The following SHC4 variants were observed in gnomAD, a reference collection of about 807,000 sequenced individuals.
SHC4 encodes SHC adaptor protein 4.
A neutral mutation model predicts 69.4 loss-of-function variants in SHC4; 41 were observed. That is an observed-to-expected ratio of 0.59 (90% CI 0.46 to 0.77). SHC4 has a LOEUF of 0.77. SHC4 is among the 30% of genes least tolerant of loss of function. SHC4 has a pLI of 0.00. For synonymous variants in SHC4, 318 were observed against 299.3 expected, an observed-to-expected ratio of 1.06 and a Z score of -0.64; for missense variants, 777 against 783.8, an observed-to-expected ratio of 0.99 and a Z score of 0.10.
At chr15:48,829,625 T>C (rs1288185587) in intron 11 of SHC4, among the ~76,000 whole-genome samples, 1 of 152,208 alleles carries the variant, frequency 6.6e-6, no homozygotes, top group Non-Finnish European at 1.5e-5. Flanking sequence ...TCCTTAAATC[T>C]AAAGTGAGTC....
At chr15:48,878,037 A>C (rs748099604) in intron 4 of SHC4, 8 of 1,087,506 alleles carry the variant, frequency 7.4e-6, no homozygotes, top group Non-Finnish European at 1.0e-5. Context: ...GTGGCGCGCC[A>C]AGTAGGAGGC....
chr15:48,916,161 C>A (rs1900616077), intron 2 of SHC4, among the ~76,000 whole-genome samples: 1 of 151,490 alleles, frequency 6.6e-6, no homozygotes, highest in African/African-American at 2.4e-5. Context: ...AGATATTTGA[C>A]CTCTCCAGAA....
chr15:48,944,770 A>G (rs1405316042), intron 1 of SHC4, among the ~76,000 whole-genome samples: 1 of 152,222 alleles, frequency 6.6e-6, no homozygotes, highest in Non-Finnish European at 1.5e-5. Flanking sequence ...TCCTACCAAA[A>G]AAGATCTCTG....
chr15:48,851,168 G>C lies in SHC4; in HGVS notation c.1303+20C>G, dbSNP rs1168630749. The C allele has an allele frequency of 6.2e-7, 1 of 1,612,106 alleles. No homozygotes were observed. The highest frequency in any genetic ancestry group is 1.7e-5 in the Admixed American group (1 of 59,954). ...CAAGGAATAAGGAGGGTGGCAGATGGAGAAGGGCATTGTACCTACCTATTG... is the reference window on the plus strand; with the variant it reads ...CAAGGAATAAGGAGGGTGGCAGATGCAGAAGGGCATTGTACCTACCTATTG... On this transcript the variant is annotated intron_variant, in intron 9 of 11. Transcript: ENST00000332408.
intron 6 of SHC4, among the ~76,000 whole-genome samples, chr15:48,860,066 A>AAG (rs946423573): frequency 2.0e-5 from 3 of 152,046 alleles, no homozygotes; most frequent in Non-Finnish European, 2.9e-5. Flanking sequence ...GAAAGGAAGA[A>AAG]AGAGAGAGAG....
intron 4 of SHC4, among the ~76,000 whole-genome samples, chr15:48,872,671 T>G (rs996893940): frequency 6.6e-6 from 1 of 152,242 alleles, no homozygotes; most frequent in African/African-American, 2.4e-5. Flanking sequence ...TATTTTTGTT[T>G]CTTTTTGCAA....
At chr15:48,848,288 A>G (rs753341379) in intron 9 of SHC4, among the ~76,000 whole-genome samples, 8 of 152,124 alleles carry the variant, frequency 5.3e-5, no homozygotes, top group African/African-American at 1.2e-4. Flanking sequence ...TGGCTTTTTT[A>G]TGGAAACAAT....
intron 8 of SHC4, among the ~76,000 whole-genome samples, chr15:48,855,044 G>A (rs79127719): frequency 5.7e-4 from 87 of 152,182 alleles, no homozygotes; most frequent in African/African-American, 2.1e-3. Context: ...GTGAAGGGTG[G>A]GAGGAGGGTG....
Position 48,843,560 on chromosome 15 carries a change from G to A in SHC4, c.1332C>T (p.Ser444=). ...IGNVHPRGVQ[S]QRDTSLLKHT... ...GCTTCAATAATGAGGTATCTCGCTG[G>A]GACTGCACCCCTCTTGGATGGACAT... The change falls in exon 10 of 12, where the codon TCC becomes TCT. Residue 444 remains serine, a synonymous_variant. Transcript: ENST00000332408. 1 of 1,613,962 alleles carries A rather than the reference G, an allele frequency of 6.2e-7. No homozygotes were observed. The highest frequency in any genetic ancestry group is 8.5e-7 in the Non-Finnish European group (1 of 1,179,946).
chr15:48,889,881 C>G (rs563364870), intron 3 of SHC4, among the ~76,000 whole-genome samples: 1 of 152,086 alleles, frequency 6.6e-6, no homozygotes, highest in East Asian at 1.9e-4. Flanking sequence ...AAACCCTTCC[C>G]TTAAACAGTC....
chr15:48,923,574 AG>A (rs1233277588), intron 2 of SHC4, among the ~76,000 whole-genome samples: 1 of 150,516 alleles, frequency 6.6e-6, no homozygotes, highest in Non-Finnish European at 1.5e-5. Context: ...AAAAGAAAAA[AG>A]AAAAAGAAAA....
At chr15:48,933,180 T>C (rs1438930429) in intron 1 of SHC4, among the ~76,000 whole-genome samples, 1 of 152,118 alleles carries the variant, frequency 6.6e-6, no homozygotes, top group African/African-American at 2.4e-5. Context: ...ATCATTCCAG[T>C]CCCTCGTTAC....
intron 1 of SHC4, among the ~76,000 whole-genome samples, chr15:48,939,444 T>G (rs1055462235): frequency 7.2e-5 from 11 of 152,218 alleles, no homozygotes; most frequent in Non-Finnish European, 1.3e-4. Flanking sequence ...AATACTTCAA[T>G]ATGACTAATG....
In SHC4 at chr15:48,834,963, G is replaced by A; in HGVS notation, c.1543C>T (p.Pro515Ser). 6.2e-7 allele frequency: 1 copy of A among 1,613,272 alleles called. No individual in the cohort carries two copies. The highest frequency in any genetic ancestry group is 8.5e-7 in the Non-Finnish European group (1 of 1,179,596). ...TAQPASSHSL[P>S]HIKQQLWSEE... ...CTCCACAGCTGCTGCTTAATGTGTG[G>A]CAAAGAATGTGAGCTGGCAGGCTGG... Residue 515 changes from proline to serine, a missense_variant, in exon 11 of 12, where the codon CCA (proline) becomes TCA (serine). Physicochemically the swap from Pro to Ser is moderately conservative, Grantham distance 74. Coordinates refer to ENST00000332408, the MANE Select transcript of SHC4 (RefSeq NM_203349.4).
intron 1 of SHC4, among the ~76,000 whole-genome samples, chr15:48,936,633 G>A (rs1422962055): frequency 6.6e-6 from 1 of 152,112 alleles, no homozygotes; most frequent in African/African-American, 2.4e-5. Context: ...CTCCTGTACA[G>A]CCTGCAGAAC....
chr15:48,852,676 C>A (rs1899237570), intron 8 of SHC4, among the ~76,000 whole-genome samples: 1 of 152,032 alleles, frequency 6.6e-6, no homozygotes, highest in African/African-American at 2.4e-5. Context: ...CCAAGGTGGG[C>A]AGATCACCTG....
chr15:48,930,641 T>C (rs1443715641), intron 1 of SHC4, among the ~76,000 whole-genome samples: 1 of 151,938 alleles, frequency 6.6e-6, no homozygotes, highest in Admixed American at 6.6e-5. Context: ...TGTCTGTAAA[T>C]AAAAAATAAA....
chr15:48,834,473 T>C (rs1050641517), intron 11 of SHC4, among the ~76,000 whole-genome samples: 1 of 152,204 alleles, frequency 6.6e-6, no homozygotes, highest in African/African-American at 2.4e-5. Flanking sequence ...GTATGTGATA[T>C]TGAACAACAA....
chr15:48,863,705 T>C (rs546750380), intron 6 of SHC4, among the ~76,000 whole-genome samples: 1 of 152,352 alleles, frequency 6.6e-6, no homozygotes, highest in East Asian at 1.9e-4. Context: ...TTTTATCTTT[T>C]TTCAATGTTT....
Sources: gnomAD v4.1 joint callset for allele counts (sites outside exome capture counted in the v4.1 genomes callset) on GRCh38, gnomAD v4.1.1 for gene constraint, MANE v1.5 for transcripts, NCBI Gene and HGNC (gene_info 2026-07-23, HGNC 2026-07-21) for gene names.